Variants in DTL observed in about 807,000 individuals in gnomAD.
DTL encodes denticleless E3 ubiquitin protein ligase adapter.
A neutral mutation model predicts 87.0 loss-of-function variants in DTL; 46 were observed. The observed-to-expected ratio is 0.53, with a 90% CI of 0.42 to 0.68. The LOEUF is 0.68. Among genes scored for constraint, DTL ranks in the 30% least tolerant of loss-of-function variants. The probability of loss-of-function intolerance (pLI) is 0.00; values close to 1 mark genes in which losing one functional copy is unlikely to be tolerated. For missense variants in DTL, 737 were observed against 869.4 expected (o/e 0.85, Z 1.91); for synonymous variants, 308 against 311.2 (o/e 0.99, Z 0.11).
intron 14 of DTL, 101 bp from the exon 15 acceptor site, chr1:212,102,741 A>G (rs1655660594): frequency 1.3e-6 from 1 of 771,824 alleles, no homozygotes. Context: ...CAGGCTAAAC[A>G]ATGAAATTTC....
At chr1:212,043,146 T>C in intron 2 of DTL, 28 bp downstream of exon 2, 1 of 1,599,902 alleles carries the variant, frequency 6.3e-7, no homozygotes, top group Non-Finnish European at 8.5e-7. Context: ...TAGGCAAGGC[T>C]TGGACAGAAA....
intron 13 of DTL, among the ~76,000 whole-genome samples, chr1:212,087,288 G>A (rs930199938): frequency 1.3e-5 from 2 of 152,156 alleles, no homozygotes; most frequent in East Asian, 1.9e-4. Context: ...GGTGGCTCAC[G>A]CCTGTAATCC....
intron 1 of DTL, among the ~76,000 whole-genome samples, chr1:212,036,635 G>A (rs1167179516): frequency 4.6e-5 from 7 of 152,176 alleles, no homozygotes; most frequent in African/African-American, 1.4e-4. Context: ...AATGGTATAA[G>A]TTGAACGTAT....
At chr1:212,048,266 T>C (rs1442210372) in intron 5 of DTL, among the ~76,000 whole-genome samples, 1 of 152,200 alleles carries the variant, frequency 6.6e-6, no homozygotes, top group South Asian at 2.1e-4. Context: ...CTCAGCTCAC[T>C]GCAGCCTCCA....
At chr1:212,073,730 A>G (rs530341785) in intron 11 of DTL, among the ~76,000 whole-genome samples, 2 of 152,244 alleles carry the variant, frequency 1.3e-5, no homozygotes, top group South Asian at 2.1e-4. Context: ...TTCTACAAGC[A>G]TATTTCTTTC....
intron 1 of DTL, among the ~76,000 whole-genome samples, chr1:212,039,307 T>C (rs1292400282): frequency 1.3e-5 from 2 of 152,234 alleles, no homozygotes; most frequent in East Asian, 3.8e-4. Context: ...TGGGTGTTTA[T>C]GGTCCCTTTA....
chr1:212,073,728 G>A (rs1237946536), intron 11 of DTL, among the ~76,000 whole-genome samples: 13 of 152,030 alleles, frequency 8.6e-5, no homozygotes, highest in Admixed American at 8.5e-4. Flanking sequence ...TTTTCTACAA[G>A]CATATTTCTT....
intron 13 of DTL, among the ~76,000 whole-genome samples, chr1:212,086,517 A>G (rs974753574): frequency 2.0e-5 from 3 of 152,072 alleles, no homozygotes; most frequent in Admixed American, 2.0e-4. Flanking sequence ...CAGCCTCCCA[A>G]TAGCTGGGAC....
chr1:212,066,747 T>C (rs1327215286), intron 7 of DTL, 65 bp from the exon 8 acceptor site: 1 of 1,508,266 alleles, frequency 6.6e-7, no homozygotes. Context: ...TTTAGCACCT[T>C]GTTCCCTTGA....
chr1:212,097,850 CTA>C (rs1373221583), intron 13 of DTL, among the ~76,000 whole-genome samples: 1 of 152,128 alleles, frequency 6.6e-6, no homozygotes, highest in Non-Finnish European at 1.5e-5. Context: ...TTTGGGTGGA[CTA>C]TGTCAGAAGA....
At chr1:212,047,122 A>T (rs1667830062) in intron 3 of DTL, 29 bp from the exon 4 acceptor site, 3 of 1,605,106 alleles carry the variant, frequency 1.9e-6, no homozygotes, top group Non-Finnish European at 8.5e-7. Flanking sequence ...CAATTTAGAC[A>T]TTTCACATTT....
intron 1 of DTL, among the ~76,000 whole-genome samples, chr1:212,040,532 A>G (rs920776521): frequency 1.3e-5 from 2 of 152,252 alleles, no homozygotes; most frequent in Admixed American, 6.5e-5. Context: ...GGCCTCTCGG[A>G]ATATCTCATG....
rs372485249 is a variant in DTL at position 212,080,770 on chromosome 1, T to C, written c.1261+20T>C. ...GCCTAGGTAAGGATATCATATACTT[T>C]CCAAGTTTTTTATGGTTTGACTAGT... On this transcript the variant is annotated intron_variant, in intron 13 of 14. Transcript: ENST00000366991. 8.9e-5 allele frequency: 144 copies of C among 1,610,902 alleles called. No homozygotes were observed. Among genetic ancestry groups the C allele is most frequent in the Non-Finnish European group, 1.2e-4 (137 of 1,178,606 alleles).
intron 13 of DTL, among the ~76,000 whole-genome samples, chr1:212,088,595 C>T (rs997047256): frequency 9.9e-5 from 15 of 152,214 alleles, no homozygotes; most frequent in African/African-American, 3.6e-4. Context: ...ACATTGTCAT[C>T]AGAGCCTTGA....
intron 5 of DTL, among the ~76,000 whole-genome samples, chr1:212,058,572 C>T (rs770716233): frequency 4.6e-5 from 7 of 151,986 alleles, no homozygotes; most frequent in Middle Eastern, 6.8e-3. Flanking sequence ...AAGTTTATAG[C>T]AATACACACC....
chr1:212,086,596 C>T (rs1169843530), intron 13 of DTL, among the ~76,000 whole-genome samples: 1 of 30,926 alleles, frequency 3.2e-5, no homozygotes, highest in African/African-American at 1.3e-4. Flanking sequence ...CGCCATGTTG[C>T]CCAGGCTGGG....
chr1:212,093,189 C>A (rs1586660), intron 13 of DTL, among the ~76,000 whole-genome samples: 3 of 152,082 alleles, frequency 2.0e-5, no homozygotes, highest in East Asian at 1.9e-4. Context: ...TTCAATGCCC[C>A]GGTGCTCAGA....
At chr1:212,051,441 TC>T (rs1667972193) in intron 5 of DTL, 2 of 376,076 alleles carry the variant, frequency 5.3e-6, no homozygotes, top group South Asian at 3.1e-5. Context: ...GATATGAAAT[TC>T]TTTTTTTTTT....
At chr1:212,054,651 C>T (rs757282546) in intron 5 of DTL, among the ~76,000 whole-genome samples, 19 of 151,776 alleles carry the variant, frequency 1.3e-4, no homozygotes, top group Non-Finnish European at 2.4e-4. Context: ...AAAAATTAGC[C>T]GGGTGTGGTG....
Sources: allele counts gnomAD v4.1 joint callset (sites outside exome capture counted in the v4.1 genomes callset), GRCh38; gene constraint gnomAD v4.1.1; transcripts MANE v1.5; gene names NCBI Gene and HGNC (gene_info 2026-07-23, HGNC 2026-07-21).